CDH9: variants seen among roughly 807,000 people sequenced by gnomAD.
CDH9 encodes the protein cadherin-9.
Under a neutral mutation model 70.9 loss-of-function variants are expected in CDH9, and 28 were observed. The ratio of observed to expected loss-of-function variants is 0.40; its 90% CI spans 0.29 to 0.54. The LOEUF (loss-of-function observed/expected upper bound fraction) is 0.54, where lower values mean the gene tolerates loss of function less well. Among genes scored for constraint, CDH9 ranks in the 20% least tolerant of loss-of-function variants. The probability of loss-of-function intolerance (pLI) is 0.59; values close to 1 mark genes in which losing one functional copy is unlikely to be tolerated. For synonymous variants in CDH9, 409 were observed against 343.1 expected, an observed-to-expected ratio of 1.19 and a Z score of -2.12; for missense variants, 874 against 984.4, an observed-to-expected ratio of 0.89 and a Z score of 1.50.
At chr5:27,000,402 C>T (rs182873928) in intron 1 of CDH9, among the ~76,000 whole-genome samples, 6 of 152,222 alleles carry the variant, frequency 3.9e-5, no homozygotes, top group East Asian at 3.9e-4. Flanking sequence ...GTAACTCTTT[C>T]GCTGCTGATG....
chr5:26,885,386 C>T (rs79911230), intron 11 of CDH9, among the ~76,000 whole-genome samples: 10 of 152,230 alleles, frequency 6.6e-5, no homozygotes, highest in East Asian at 5.8e-4. Context: ...TTTTTAAATA[C>T]GCATGTGTAT....
chr5:26,938,917 A>G (rs1424378613), intron 2 of CDH9, among the ~76,000 whole-genome samples: 3 of 152,140 alleles, frequency 2.0e-5, no homozygotes, highest in Non-Finnish European at 4.4e-5. Flanking sequence ...AGAGTAACTC[A>G]GATGATACTA....
intron 3 of CDH9, among the ~76,000 whole-genome samples, chr5:26,915,098 C>T (rs1741124466): frequency 6.6e-6 from 1 of 151,956 alleles, no homozygotes; most frequent in African/African-American, 2.4e-5. Flanking sequence ...TGTCATGATG[C>T]TACCAGGTTA....
chr5:27,019,123 T>C (rs1248705418), intron 1 of CDH9, among the ~76,000 whole-genome samples: 2 of 151,934 alleles, frequency 1.3e-5, no homozygotes, highest in Non-Finnish European at 2.9e-5. Flanking sequence ...AAATTCAGAA[T>C]TGAAATAATT....
chr5:26,997,874 A>G (rs1273076841), intron 1 of CDH9, among the ~76,000 whole-genome samples: 4 of 151,932 alleles, frequency 2.6e-5, no homozygotes, highest in African/African-American at 9.7e-5. Flanking sequence ...TAATTTTTGT[A>G]TTTTTAGTAG....
At chr5:27,026,986 T>C (rs1743230999) in intron 1 of CDH9, among the ~76,000 whole-genome samples, 1 of 151,974 alleles carries the variant, frequency 6.6e-6, no homozygotes, top group South Asian at 2.1e-4. Flanking sequence ...GTTAATGCAA[T>C]TCAAGACTAA....
At chr5:26,899,832 C>T (rs903728302) in intron 7 of CDH9, among the ~76,000 whole-genome samples, 7 of 149,002 alleles carry the variant, frequency 4.7e-5, no homozygotes, top group East Asian at 3.9e-4. Context: ...ACAAACCTGC[C>T]GGTTAAACAC....
At chr5:26,990,891 T>C (rs1196060409) in intron 1 of CDH9, among the ~76,000 whole-genome samples, 2 of 152,216 alleles carry the variant, frequency 1.3e-5, no homozygotes, top group African/African-American at 4.8e-5. Flanking sequence ...CTAACTATGA[T>C]GCCCATTTTG....
intron 7 of CDH9, among the ~76,000 whole-genome samples, chr5:26,899,725 G>A (rs1280484467): frequency 6.6e-6 from 1 of 151,922 alleles, no homozygotes; most frequent in Non-Finnish European, 1.5e-5. Flanking sequence ...TCAGGGGTTG[G>A]GGGAGCTAGG....
At chr5:26,944,774 T>A (rs1400305744) in intron 2 of CDH9, among the ~76,000 whole-genome samples, 1 of 152,224 alleles carries the variant, frequency 6.6e-6, no homozygotes, top group Non-Finnish European at 1.5e-5. Context: ...ATTTCTGTTT[T>A]TTCTTTTACT....
chr5:26,886,116 G>T, intron 9 of CDH9, 33 bp from the exon 10 acceptor site: 1 of 1,562,544 alleles, frequency 6.4e-7, no homozygotes, highest in African/African-American at 1.4e-5. Flanking sequence ...AATTAATTAA[G>T]CCTAAGGCAA....
At chr5:26,898,085 A>C (rs1740784174) in intron 7 of CDH9, among the ~76,000 whole-genome samples, 1 of 152,146 alleles carries the variant, frequency 6.6e-6, no homozygotes, top group African/African-American at 2.4e-5. Context: ...CACTACAAAG[A>C]GAATAAAATA....
intron 2 of CDH9, among the ~76,000 whole-genome samples, chr5:26,950,786 A>G (rs1200552553): frequency 6.6e-6 from 1 of 152,198 alleles, no homozygotes; most frequent in Non-Finnish European, 1.5e-5. Flanking sequence ...AAATTTTGTG[A>G]AGAAAAATCT....
intron 2 of CDH9, among the ~76,000 whole-genome samples, chr5:26,963,838 T>C (rs1336884389): frequency 6.6e-6 from 1 of 152,104 alleles, no homozygotes; most frequent in African/African-American, 2.4e-5. Context: ...GGAAAATGTA[T>C]CTTTAATTGG....
intron 3 of CDH9, among the ~76,000 whole-genome samples, chr5:26,913,254 T>C (rs915049740): frequency 2.6e-5 from 4 of 152,102 alleles, no homozygotes; most frequent in African/African-American, 9.7e-5. Context: ...AAACCAAATA[T>C]AGTATCTTCT....
intron 2 of CDH9, among the ~76,000 whole-genome samples, chr5:26,958,866 A>G (rs1741988890): frequency 6.6e-6 from 1 of 152,194 alleles, no homozygotes. Flanking sequence ...AACTCAAAAT[A>G]GATCAATGGC....
intron 1 of CDH9, among the ~76,000 whole-genome samples, chr5:27,034,677 T>C (rs1174868519): frequency 6.6e-6 from 1 of 151,554 alleles, no homozygotes; most frequent in Non-Finnish European, 1.5e-5. Context: ...ATAATGACTT[T>C]TATGTTTGGA....
chr5:27,009,220 G>A (rs2112113496), intron 1 of CDH9, among the ~76,000 whole-genome samples: 1 of 152,228 alleles, frequency 6.6e-6, no homozygotes, highest in South Asian at 2.1e-4. Context: ...TTGGGTTGGA[G>A]GATCGGGGAT....
chr5:26,881,370 T>C lies in CDH9; in HGVS notation c.2136A>G (p.Val712=). 6.2e-7 allele frequency: 1 copy of C among 1,613,532 alleles called. No individual in the cohort carries two copies. Among genetic ancestry groups the C allele is most frequent in the Non-Finnish European group, 8.5e-7 (1 of 1,179,576 alleles). The change falls in exon 12 of 12, where the codon GTA becomes GTG. Residue 712 remains valine (V), a synonymous_variant. Transcript: ENST00000231021. The part of the protein sequence containing the change: ...RTVPLWENID[V]QDFIHRRLKE... ...TTAATCTTCGATGGATAAAATCTTG[T>C]ACATCAATATTTTCCCACAGAGGCA...
Sources: allele counts gnomAD v4.1 joint callset (sites outside exome capture counted in the v4.1 genomes callset), GRCh38; gene constraint gnomAD v4.1.1; transcripts MANE v1.5; gene names NCBI Gene and HGNC (gene_info 2026-07-23, HGNC 2026-07-21).